The following LTBP1 variants were observed in gnomAD, a reference collection of about 807,000 sequenced individuals.
LTBP1 encodes the protein latent transforming growth factor beta binding protein 1.
In LTBP1, 129 loss-of-function variants were observed where a neutral mutation model predicts 207.6. The observed-to-expected ratio is 0.62, with a 90% CI of 0.54 to 0.72. The LOEUF (loss-of-function observed/expected upper bound fraction) is 0.72, where lower values mean the gene tolerates loss of function less well. LTBP1 is among the 30% of genes least tolerant of loss of function. LTBP1 has a pLI of 0.00. For missense variants in LTBP1, 2,281 were observed against 2,217.2 expected (o/e 1.03, Z -0.58); for synonymous variants, 963 against 833.7 (o/e 1.16, Z -2.67).
chr2:33,374,622 T>C (rs965579760), intron 31 of LTBP1, among the ~76,000 whole-genome samples: 3 of 152,168 alleles, frequency 2.0e-5, no homozygotes, highest in African/African-American at 4.8e-5. Context: ...ATGGATGTTA[T>C]ATGAAATGGC....
chr2:33,292,926 C>T (rs970659524), intron 19 of LTBP1, among the ~76,000 whole-genome samples: 15 of 152,290 alleles, frequency 9.8e-5, no homozygotes, highest in African/African-American at 2.9e-4. Flanking sequence ...AATTTATTCA[C>T]AGAGCATATT....
At chr2:33,291,154 C>T (rs769821425) in intron 19 of LTBP1, among the ~76,000 whole-genome samples, 28 of 152,186 alleles carry the variant, frequency 1.8e-4, no homozygotes, top group Non-Finnish European at 3.5e-4. Flanking sequence ...AGAATAAACA[C>T]ATCAGGCTAC....
intron 2 of LTBP1, among the ~76,000 whole-genome samples, chr2:32,964,651 A>G (rs942982453): frequency 6.6e-6 from 1 of 152,200 alleles, no homozygotes; most frequent in African/African-American, 2.4e-5. Flanking sequence ...GTTCTAAGAA[A>G]TGGTGTTAAA....
At chr2:33,061,892 C>G (rs952169160) in intron 3 of LTBP1, among the ~76,000 whole-genome samples, 5 of 152,048 alleles carry the variant, frequency 3.3e-5, no homozygotes, top group Non-Finnish European at 7.4e-5. Flanking sequence ...GATGTTTTTT[C>G]CAAAGCGGTT....
At chr2:33,152,330 A>G (rs2083605847) in intron 5 of LTBP1, among the ~76,000 whole-genome samples, 1 of 152,184 alleles carries the variant, frequency 6.6e-6, no homozygotes, top group Admixed American at 6.5e-5. Context: ...CAGCATCACT[A>G]ATGATCAGGG....
chr2:33,141,738 G>A (rs1358828101), intron 5 of LTBP1, among the ~76,000 whole-genome samples: 1 of 152,166 alleles, frequency 6.6e-6, no homozygotes, highest in Non-Finnish European at 1.5e-5. Context: ...ATTGTCATCA[G>A]ACTCTGACCC....
chr2:33,320,308 G>T (rs1457786405), intron 24 of LTBP1, among the ~76,000 whole-genome samples: 1 of 151,504 alleles, frequency 6.6e-6, no homozygotes, highest in Non-Finnish European at 1.5e-5. Flanking sequence ...ACTGGAAGTT[G>T]CAGTGAGCCA....
At chr2:33,059,008 C>G (rs1474516249) in intron 3 of LTBP1, among the ~76,000 whole-genome samples, 1 of 152,142 alleles carries the variant, frequency 6.6e-6, no homozygotes, top group African/African-American at 2.4e-5. Flanking sequence ...ACATTTACTG[C>G]CGCTTGAAGT....
chr2:33,192,309 C>T (rs1373253760), intron 7 of LTBP1, among the ~76,000 whole-genome samples: 1 of 152,098 alleles, frequency 6.6e-6, no homozygotes, highest in African/African-American at 2.4e-5. Flanking sequence ...GCAGCCTGAC[C>T]TTATGTGCCT....
intron 5 of LTBP1, among the ~76,000 whole-genome samples, chr2:33,177,219 G>T (rs189683425): frequency 6.6e-6 from 1 of 152,100 alleles, no homozygotes; most frequent in Non-Finnish European, 1.5e-5. Flanking sequence ...TTTCTTGTTC[G>T]CTATATCTCC....
intron 24 of LTBP1, among the ~76,000 whole-genome samples, chr2:33,342,221 C>A (rs1390172803): frequency 6.6e-6 from 1 of 152,174 alleles, no homozygotes; most frequent in Non-Finnish European, 1.5e-5. Context: ...AATGAATTGG[C>A]AAGTCAGCCA....
intron 7 of LTBP1, among the ~76,000 whole-genome samples, chr2:33,205,958 C>T (rs527453910): frequency 1.3e-5 from 2 of 152,224 alleles, no homozygotes; most frequent in African/African-American, 2.4e-5. Context: ...ACCAAAAATC[C>T]ACCATGTTGG....
intron 7 of LTBP1, among the ~76,000 whole-genome samples, chr2:33,200,726 A>C (rs2089142910): frequency 6.6e-6 from 1 of 152,174 alleles, no homozygotes; most frequent in Non-Finnish European, 1.5e-5. Flanking sequence ...CAACCTACTC[A>C]TCTGACAAAG....
At chr2:33,335,614 C>T (rs759567046) in intron 24 of LTBP1, among the ~76,000 whole-genome samples, 9 of 152,186 alleles carry the variant, frequency 5.9e-5, no homozygotes, top group Non-Finnish European at 7.3e-5. Flanking sequence ...GCCTTGTGCT[C>T]ATCTTCCGCT....
At chr2:33,233,468 A>G (rs950485888) in intron 9 of LTBP1, among the ~76,000 whole-genome samples, 1 of 152,158 alleles carries the variant, frequency 6.6e-6, no homozygotes, top group Non-Finnish European at 1.5e-5. Flanking sequence ...TGGTAAGACC[A>G]TTTCGTAAAA....
chr2:33,255,062 T>C (rs1306904055), intron 11 of LTBP1, among the ~76,000 whole-genome samples: 1 of 103,606 alleles, frequency 9.7e-6, no homozygotes, highest in African/African-American at 3.7e-5. Context: ...TATCTCCCAG[T>C]GCTATCCCTC....
chr2:33,308,864 A>T (rs892439238), intron 22 of LTBP1, among the ~76,000 whole-genome samples: 3 of 152,220 alleles, frequency 2.0e-5, no homozygotes, highest in African/African-American at 7.2e-5. Flanking sequence ...CTCAAGATAC[A>T]CTTAATAAGT....
chr2:33,067,110 T>A (rs2077551310), intron 3 of LTBP1, among the ~76,000 whole-genome samples: 1 of 152,206 alleles, frequency 6.6e-6, no homozygotes, highest in African/African-American at 2.4e-5. Context: ...AGGTCCAGGC[T>A]GCAGTGAGCT....
At chr2:33,338,277 A>G (rs906542863) in intron 24 of LTBP1, among the ~76,000 whole-genome samples, 2 of 152,230 alleles carry the variant, frequency 1.3e-5, no homozygotes, top group Non-Finnish European at 2.9e-5. Context: ...CAAGACGCCC[A>G]GTAATTCATA....
Sources: gnomAD v4.1 joint callset for allele counts (sites outside exome capture counted in the v4.1 genomes callset) on GRCh38, gnomAD v4.1.1 for gene constraint, MANE v1.5 for transcripts, NCBI Gene and HGNC (gene_info 2026-07-23, HGNC 2026-07-21) for gene names.